Variants in BCL2L13 observed in about 807,000 individuals in gnomAD.
BCL2L13 encodes the protein bcl-2-like protein 13.
BCL2L13 carries 13 observed loss-of-function variants against 25.8 expected under a neutral mutation model. The ratio of observed to expected loss-of-function variants is 0.50; its 90% CI spans 0.33 to 0.80. The LOEUF is 0.80. Ranked by LOEUF, BCL2L13 falls within the 30% of genes least tolerant of loss-of-function variation. The pLI is 0.02. For synonymous variants in BCL2L13, 244 were observed against 230.3 expected (o/e 1.06, Z -0.54); for missense variants, 504 against 574.9 (o/e 0.88, Z 1.26).
chr22:17,686,389 G>A (rs2059939040), intron 3 of BCL2L13, among the ~76,000 whole-genome samples: 1 of 152,066 alleles, frequency 6.6e-6, no homozygotes, highest in South Asian at 2.1e-4. Flanking sequence ...AGCATAGGTT[G>A]TAGTGAGCCA....
At chr22:17,642,002 T>C (rs1052280569) in intron 1 of BCL2L13, among the ~76,000 whole-genome samples, 1 of 151,826 alleles carries the variant, frequency 6.6e-6, no homozygotes, top group Non-Finnish European at 1.5e-5. Flanking sequence ...GGTTTCACTG[T>C]GTTAGCCAGG....
chr22:17,701,285 G>T (rs928087770), intron 5 of BCL2L13, among the ~76,000 whole-genome samples: 1 of 151,980 alleles, frequency 6.6e-6, no homozygotes, highest in Non-Finnish European at 1.5e-5. Context: ...AAAGCACATG[G>T]TACAAAATGC....
intron 6 of BCL2L13, among the ~76,000 whole-genome samples, chr22:17,713,327 T>G (rs2060814341): frequency 6.6e-6 from 1 of 152,180 alleles, no homozygotes; most frequent in East Asian, 1.9e-4. Context: ...AATTATTTAG[T>G]TGCTCAAACT....
At chr22:17,674,516 A>G (rs2535692) in intron 2 of BCL2L13, among the ~76,000 whole-genome samples, 106,011 of 151,408 alleles carry the variant, frequency 0.7, 37,608 homozygotes, top group East Asian at 0.93. Flanking sequence ...TGAGGTGGGA[A>G]AATCATTTGA....
intron 6 of BCL2L13, chr22:17,703,177 A>G (rs1279452564): frequency 6.6e-6 from 1 of 151,778 alleles, no homozygotes; most frequent in Non-Finnish European, 1.5e-5. Flanking sequence ...ATATATACAC[A>G]CACACACACA....
intron 2 of BCL2L13, among the ~76,000 whole-genome samples, chr22:17,671,861 G>A (rs766548751): frequency 2.6e-5 from 4 of 152,142 alleles, no homozygotes; most frequent in Admixed American, 1.3e-4. Flanking sequence ...TTAAAGGAGC[G>A]CGCCATCACG....
chr22:17,640,449 C>T (rs1051325568), intron 1 of BCL2L13, among the ~76,000 whole-genome samples: 4 of 152,094 alleles, frequency 2.6e-5, no homozygotes, highest in African/African-American at 7.2e-5. Context: ...TATATCTAAC[C>T]AGTCTTGTAA....
At chr22:17,675,950 A>G (rs758934727) in intron 2 of BCL2L13, among the ~76,000 whole-genome samples, 1 of 152,204 alleles carries the variant, frequency 6.6e-6, no homozygotes, top group African/African-American at 2.4e-5. Context: ...TGCTATTCCT[A>G]CCTTTCACAG....
chr22:17,727,435 G>A lies in BCL2L13; in HGVS notation c.1359G>A (p.Pro453=), dbSNP rs1404324053. ...CCGCCGGTGAGATGAAGCCCATGCC[G>A]CTGTCTGAGGGCAAGTCTATACTGC... ...LSPAGEMKPM[P]LSEGKSILLF... is the part of the protein sequence containing the mutation. Residue 453 remains proline (P), a synonymous_variant, in exon 7 of 7, where the codon CCG becomes CCA. Transcript: ENST00000317582. 13 of 1,614,222 alleles carry A rather than the reference G, an allele frequency of 8.1e-6. No individual in the cohort carries two copies. In the East Asian group the frequency reaches 2.5e-4, roughly 30 times the overall value.
Position 17,654,095 on chromosome 22 carries a change from A to T in BCL2L13, c.-50-1567A>T, listed in dbSNP as rs533298781. 2.0e-5 allele frequency among the ~76,000 whole-genome samples: 3 copies of T among 152,072 alleles called. No homozygotes were observed. In the South Asian group the frequency reaches 6.2e-4, roughly 32 times the overall value. ...CACAAAAAAATTATCAGAAAACTTT[A>T]TCTTCTATTTCTTTTTGTTTTTGTT... On this transcript the variant is annotated intron_variant, in intron 1 of 6. Transcript: ENST00000317582.
rs530376185 is a variant in BCL2L13 at position 17,727,765 on chromosome 22, G to A, written c.*231G>A. The A allele has an allele frequency of 6.0e-5, 36 of 602,056 alleles. No homozygotes were observed. The South Asian group carries it at 6.5e-4, about 11-fold the overall frequency. The allele number at this position is 602,056 out of a possible 1,614,324, so 37.3% of individuals were successfully genotyped here. ...GCTCATGCTAAATTGAGAATCTTAG[G>A]GGTAAAGCACCCCCTCCAGGACCGG... On this transcript the variant is annotated 3_prime_UTR_variant, in exon 7 of 7. Transcript: ENST00000317582.
rs563267955 is a variant in BCL2L13 at position 17,661,916 on chromosome 22, G to A, written c.121+6084G>A. On this transcript the variant is annotated intron_variant, in intron 2 of 6. Coordinates refer to ENST00000317582, the MANE Select transcript of BCL2L13 (RefSeq NM_015367.4). ...TGAGGCAGGAGAATCTCTTGAACCC[G>A]GGAGGTGGAGGTTGTGGTGAGCCAA... Among the ~76,000 whole-genome samples, 42 of 151,738 alleles carry A rather than the reference G, an allele frequency of 2.8e-4. No homozygotes were observed. In the East Asian group the frequency reaches 6.6e-3, roughly 24 times the overall value.
At chr22:17,684,802 G>C in intron 3 of BCL2L13, 2 of 343,560 alleles carry the variant, frequency 5.8e-6, no homozygotes, top group South Asian at 2.1e-5. Flanking sequence ...GCGGGATCTT[G>C]GCTCACTGCA....
At chr22:17,689,281 C>A in intron 4 of BCL2L13, 139 bp downstream of exon 4, 1 of 751,510 alleles carries the variant, frequency 1.3e-6, no homozygotes, top group East Asian at 3.0e-5. Flanking sequence ...TCTTCATTTT[C>A]TTTCCCAAAG....
chr22:17,630,586 C>CTTTTT lies in BCL2L13; in HGVS notation c.-650+1585_-650+1586insTTTTT, dbSNP rs34181282. ...AGCCACTGCACCCGGCCTTCTTTTTCTTTTCTTTTTTTTTTTTTTTTTGAG... is the reference window on the plus strand; with the variant it reads ...AGCCACTGCACCCGGCCTTCTTTTTCTTTTTTTTTCTTTTTTTTTTTTTTTTTGAG... On this transcript the variant is annotated intron_variant, in intron 1 of 6. Coordinates refer to the BCL2L13 transcript ENST00000399782. Among the ~76,000 whole-genome samples, 24 of 126,242 alleles carry CTTTTT rather than the reference C, an allele frequency of 1.9e-4. 1 individual carries two copies. Among genetic ancestry groups the CTTTTT allele is most frequent in the African/African-American group, 6.4e-4 (18 of 28,164 alleles). 82.8% of individuals were successfully genotyped at this position (126,242 alleles called of 152,430 possible).
At position 17,652,160 on chromosome 22, in the gene BCL2L13, A is replaced by T. The variant is rs1160389529; in HGVS notation, c.-50-3502A>T. Among the ~76,000 whole-genome samples the T allele has an allele frequency of 2.0e-5, 3 of 152,150 alleles. No homozygotes were observed. In the East Asian group the frequency reaches 5.8e-4, roughly 29 times the overall value. ...TGAAAATGCATTTAATACACCTACC[A>T]AACATAGCTTAGCCTGTGCTTAAAA... On this transcript the variant is annotated intron_variant, in intron 1 of 6. Transcript: ENST00000317582.
At chr22:17,660,464 G>A (rs2059028104) in intron 2 of BCL2L13, among the ~76,000 whole-genome samples, 1 of 146,400 alleles carries the variant, frequency 6.8e-6, no homozygotes, top group Non-Finnish European at 1.6e-5. Context: ...CTTCTGCCCA[G>A]GCTGGAGTGT....
At chr22:17,632,606 A>G (rs2146343602) in intron 1 of BCL2L13, among the ~76,000 whole-genome samples, 1 of 152,250 alleles carries the variant, frequency 6.6e-6, no homozygotes, top group African/African-American at 2.4e-5. Flanking sequence ...TCTGCAAATG[A>G]CAGGATTTGG....
chr22:17,680,200 G>A (rs145735224), intron 2 of BCL2L13, among the ~76,000 whole-genome samples: 252 of 89,610 alleles, frequency 2.8e-3, no homozygotes, highest in African/African-American at 0.01. Context: ...GGGCAGCAAG[G>A]GCGTAACTCT....
Sources: gnomAD v4.1 joint callset for allele counts (sites outside exome capture counted in the v4.1 genomes callset) on GRCh38, gnomAD v4.1.1 for gene constraint, MANE v1.5 for transcripts, NCBI Gene and HGNC (gene_info 2026-07-23, HGNC 2026-07-21) for gene names.